CACNG8: variants seen among roughly 807,000 people sequenced by gnomAD.
CACNG8 encodes the protein calcium voltage-gated channel auxiliary subunit gamma 8, also known as voltage-dependent calcium channel gamma-8 subunit.
A neutral mutation model predicts 26.9 loss-of-function variants in CACNG8; 5 were observed. The ratio of observed to expected loss-of-function variants is 0.19; its 90% CI spans 0.10 to 0.39. The LOEUF (loss-of-function observed/expected upper bound fraction) is 0.39. Among genes scored for constraint, CACNG8 ranks in the 10% least tolerant of loss-of-function variants. The pLI is 1.00. For synonymous variants in CACNG8, 321 were observed against 296.7 expected, an observed-to-expected ratio of 1.08 and a Z score of -0.84; for missense variants, 473 against 609.4, an observed-to-expected ratio of 0.78 and a Z score of 2.36.
In CACNG8 at chr19:53,989,893, C is replaced by T. The variant is rs1175691850; in HGVS notation, c.*7044C>T. The T allele has an allele frequency of 6.6e-6, 1 of 152,624 alleles. No homozygotes were observed. The highest frequency in any genetic ancestry group is 2.4e-5 in the African/African-American group (1 of 41,484). 9.5% of individuals were successfully genotyped at this position (152,624 alleles called of 1,614,324 possible). A position where few individuals can be genotyped will look rare whatever the true frequency, so the allele number is the denominator to read the frequency against. On this transcript the variant is annotated 3_prime_UTR_variant, in exon 4 of 4. Coordinates refer to ENST00000270458, the MANE Select transcript of CACNG8 (RefSeq NM_031895.6). ...GTCTGCTGGAAGAACCAGACACAGA[C>T]AATCACACTGCGGGGAAACACGTGC... is the stretch of plus-strand genomic sequence containing the variant.
At chr19:53,971,767 T>C (rs142165546) in intron 1 of CACNG8, among the ~76,000 whole-genome samples, 104 of 152,280 alleles carry the variant, frequency 6.8e-4, no homozygotes, top group African/African-American at 2.4e-3. Flanking sequence ...GGGAAGTGGC[T>C]CAGCCTGGAC....
intron 1 of CACNG8, among the ~76,000 whole-genome samples, chr19:53,968,886 A>T (rs1320590714): frequency 6.6e-6 from 1 of 151,932 alleles, no homozygotes; most frequent in African/African-American, 2.4e-5. Context: ...AGCCAAAGGA[A>T]GTTAGCGTTT....
rs7257802 is a variant in CACNG8, at chr19:53,983,557, G to A, written c.*708G>A. On this transcript the variant is annotated 3_prime_UTR_variant, in exon 4 of 4. Coordinates refer to ENST00000270458, the MANE Select transcript of CACNG8 (RefSeq NM_031895.6). ...GTGCAGGAGGCAGGAAAACAGCCAG[G>A]GGCCCCGACGTCTCATAGAGTAAAC... 99,084 of 152,140 alleles carry A rather than the reference G, an allele frequency of 0.65. 32,391 individuals are homozygous for A. Among genetic ancestry groups the A allele is most frequent in the East Asian group, 0.81 (4,168 of 5,164 alleles). The allele number at this position is 152,140 out of a possible 1,614,324, so 9.4% of individuals were successfully genotyped here.
chr19:53,963,329 G>T lies in CACNG8; in HGVS notation c.187G>T (p.Asp63Tyr), dbSNP rs1409373632. Residue 63 changes from aspartate to tyrosine, a missense_variant, in exon 1 of 4, where the codon GAC becomes TAC. Physicochemically the swap from Asp to Tyr is radical, Grantham distance 160. Transcript: ENST00000270458. The stretch of plus-strand genomic sequence containing the variant: ...CACCAACCTCACGGCCGGCGGCGAC[G>T]ACGGGACCCCCCACCGCGGGGGCGG... The T allele has an allele frequency of 1.2e-6, 2 of 1,601,304 alleles. No homozygotes were observed. Among genetic ancestry groups the T allele is most frequent in the South Asian group, 1.1e-5 (1 of 90,608 alleles).
intron 1 of CACNG8, 138 bp downstream of exon 1, chr19:53,963,563 C>T: frequency 6.1e-6 from 5 of 819,294 alleles, no homozygotes; most frequent in Non-Finnish European, 9.0e-6. Flanking sequence ...TCTGCGCCTT[C>T]CCACTCGCGC....
rs977420529 is a variant in CACNG8 at position 53,986,183 on chromosome 19, G to C, written c.*3334G>C. ...CAGAGACAGAGATAGAGAGGGAGAG[G>C]TAAGCCGGAGACAGACTCAGAGATT... On this transcript the variant is annotated 3_prime_UTR_variant, in exon 4 of 4. Transcript: ENST00000270458. 6 of 152,438 alleles carry C rather than the reference G, an allele frequency of 3.9e-5. No individual in the cohort carries two copies. Among genetic ancestry groups the C allele is most frequent in the Non-Finnish European group, 7.3e-5 (5 of 68,040 alleles). 9.4% of individuals were successfully genotyped at this position (152,438 alleles called of 1,614,324 possible). A position where few individuals can be genotyped will look rare whatever the true frequency, so the allele number is the denominator to read the frequency against.
At chr19:53,975,637 C>T (rs1461153929) in intron 1 of CACNG8, among the ~76,000 whole-genome samples, 69 of 152,144 alleles carry the variant, frequency 4.5e-4, no homozygotes, top group Non-Finnish European at 1.0e-4. Flanking sequence ...ACTTGGTCTC[C>T]CAAATGGCTA....
At chr19:53,969,282 T>G (rs2069288414) in intron 1 of CACNG8, among the ~76,000 whole-genome samples, 1 of 152,020 alleles carries the variant, frequency 6.6e-6, no homozygotes, top group African/African-American at 2.4e-5. Flanking sequence ...GGATTATAGG[T>G]GTAAGCCACC....
intron 1 of CACNG8, among the ~76,000 whole-genome samples, chr19:53,975,440 C>A (rs1250005808): frequency 6.6e-6 from 1 of 152,010 alleles, no homozygotes; most frequent in Non-Finnish European, 1.5e-5. Context: ...AGTGCAGTGG[C>A]GCGATCTCAG....
In CACNG8 at chr19:53,983,218, C is replaced by T. The variant is rs2069386562; in HGVS notation, c.*369C>T. 6.4e-6 allele frequency: 1 copy of T among 155,690 alleles called. No homozygotes were observed. The highest frequency in any genetic ancestry group is 6.5e-5 in the Admixed American group (1 of 15,384). The allele number at this position is 155,690 out of a possible 1,614,324, so 9.6% of individuals were successfully genotyped here. ...AGGGACTCCCAGCCCAGCCCAACTCCTGGAGAGGGGCCCATAATACACGAA... is the reference window on the plus strand; with the variant it reads ...AGGGACTCCCAGCCCAGCCCAACTCTTGGAGAGGGGCCCATAATACACGAA... On this transcript the variant is annotated 3_prime_UTR_variant, in exon 4 of 4. Coordinates refer to ENST00000270458, the MANE Select transcript of CACNG8 (RefSeq NM_031895.6).
chr19:53,975,462 CT>C (rs1309347516), intron 1 of CACNG8, among the ~76,000 whole-genome samples: 2 of 152,148 alleles, frequency 1.3e-5, no homozygotes, highest in Non-Finnish European at 2.9e-5. Context: ...GCGCTGCAAC[CT>C]CCTCTTCCCA....
intron 1 of CACNG8, among the ~76,000 whole-genome samples, chr19:53,968,507 C>G (rs778120686): frequency 2.0e-5 from 3 of 151,724 alleles, no homozygotes; most frequent in African/African-American, 7.3e-5. Flanking sequence ...CGGTGGCTCA[C>G]GCCTGTAATT....
chr19:53,970,251 G>A (rs1459926307), intron 1 of CACNG8, among the ~76,000 whole-genome samples: 2 of 152,152 alleles, frequency 1.3e-5, no homozygotes, highest in Non-Finnish European at 2.9e-5. Flanking sequence ...AGGAGGCAGA[G>A]GTTGCAGTGA....
chr19:53,982,699 G>A lies in CACNG8; in HGVS notation c.1128G>A (p.Ala376=). ...TGCACAACGCCTTCCCCAAGGAGGCGGGCGGCGGCGTCACGGTCACGGTCA... is the reference window on the plus strand; with the variant it reads ...TGCACAACGCCTTCCCCAAGGAGGCAGGCGGCGGCGTCACGGTCACGGTCA... The change falls in exon 4 of 4, where the codon GCG becomes GCA. Residue 376 remains alanine, a synonymous_variant. Coordinates refer to ENST00000270458, the MANE Select transcript of CACNG8 (RefSeq NM_031895.6). This position sits in a 1 kb window ranked among gnomAD's most constrained non-coding sequence, Gnocchi z 8.4. 4 of 1,144,166 alleles carry A rather than the reference G, an allele frequency of 3.5e-6. No individual in the cohort carries two copies. The highest frequency in any genetic ancestry group is 4.3e-6 in the Non-Finnish European group (4 of 937,146). 70.9% of individuals were successfully genotyped at this position (1,144,166 alleles called of 1,614,324 possible).
rs1273322896 is a variant in CACNG8 at position 53,986,523 on chromosome 19, G to C, written c.*3674G>C. ...GGAGGCCGAGGCTGGTGGATCACTT[G>C]AGGTCAGGAGTTCGAGACCAGCCTG... On this transcript the variant is annotated 3_prime_UTR_variant, in exon 4 of 4. Transcript: ENST00000270458. 6.6e-6 allele frequency: 1 copy of C among 152,206 alleles called. No homozygotes were observed. Among genetic ancestry groups the C allele is most frequent in the Non-Finnish European group, 1.5e-5 (1 of 68,040 alleles). 9.4% of individuals were successfully genotyped at this position (152,206 alleles called of 1,614,324 possible). A position where few individuals can be genotyped will look rare whatever the true frequency, so the allele number is the denominator to read the frequency against.
chr19:53,972,293 GTCT>G (rs1470314942), intron 1 of CACNG8, among the ~76,000 whole-genome samples: 1 of 150,240 alleles, frequency 6.7e-6, no homozygotes, highest in Non-Finnish European at 1.5e-5. Context: ...ACTGCGCCTG[GTCT>G]TCTGTGCCTT....
chr19:53,967,589 C>G (rs943451682), intron 1 of CACNG8, among the ~76,000 whole-genome samples: 1 of 152,214 alleles, frequency 6.6e-6, no homozygotes, highest in Non-Finnish European at 1.5e-5. Context: ...AATCCCAGCA[C>G]TTTGGGAGGC....
intron 1 of CACNG8, among the ~76,000 whole-genome samples, chr19:53,977,689 G>A (rs2069338001): frequency 6.6e-6 from 1 of 152,214 alleles, no homozygotes; most frequent in Non-Finnish European, 1.5e-5. Flanking sequence ...GGGAAATGTA[G>A]TCCTCATCGG....
At position 53,979,847 on chromosome 19, in the gene CACNG8, C is replaced by T; in HGVS notation, c.368-20C>T. On this transcript the variant is annotated intron_variant, in intron 2 of 3. Coordinates refer to ENST00000270458, the MANE Select transcript of CACNG8 (RefSeq NM_031895.6). ...ACCGCCCTCGCTCTCCCTCCTTTTC[C>T]TTTCCTTCCTCCCCCGCAGGAGTTG... 3.8e-6 allele frequency: 6 copies of T among 1,582,782 alleles called. No individual in the cohort carries two copies. The highest frequency in any genetic ancestry group is 5.2e-6 in the Non-Finnish European group (6 of 1,162,396).
Sources: gnomAD v4.1 joint callset for allele counts (sites outside exome capture counted in the v4.1 genomes callset) on GRCh38, gnomAD v4.1.1 for gene constraint, Gnocchi (gnomAD v3.1) non-coding constraint, MANE v1.5 for transcripts, NCBI Gene and HGNC (gene_info 2026-07-23, HGNC 2026-07-21) for gene names.